Variants in SLIT2 observed in about 807,000 individuals in gnomAD.
SLIT2 encodes the protein slit guidance ligand 2.
Under a neutral mutation model 185.7 loss-of-function variants are expected in SLIT2, and 41 were observed. The observed-to-expected ratio is 0.22, with a 90% CI of 0.17 to 0.29. The LOEUF (loss-of-function observed/expected upper bound fraction) is 0.29. SLIT2 is among the 10% of genes least tolerant of loss of function. SLIT2 has a pLI of 1.00. For synonymous variants in SLIT2, 693 were observed against 680.2 expected, an observed-to-expected ratio of 1.02 and a Z score of -0.29; for missense variants, 1,571 against 1,909.0, an observed-to-expected ratio of 0.82 and a Z score of 3.30.
chr4:20,281,250 C>G (rs1208174022), intron 4 of SLIT2, among the ~76,000 whole-genome samples: 2 of 152,174 alleles, frequency 1.3e-5, no homozygotes, highest in African/African-American at 4.8e-5. Flanking sequence ...TTTTAATAAT[C>G]ACCTGTCTCT....
intron 6 of SLIT2, 48 bp from the exon 7 acceptor site, chr4:20,486,152 A>G: frequency 8.9e-7 from 1 of 1,122,918 alleles, no homozygotes; most frequent in South Asian, 1.3e-5. Flanking sequence ...TAAAATGATC[A>G]ATCAATTTTG....
At chr4:20,490,734 A>G in intron 8 of SLIT2, 2 of 1,070,104 alleles carry the variant, frequency 1.9e-6, no homozygotes, top group Non-Finnish European at 1.4e-6. Context: ...AAAATTAAAT[A>G]ATGAAATGAC....
chr4:20,256,630 T>G (rs765776162), intron 1 of SLIT2, 42 bp from the exon 2 acceptor site: 2 of 1,021,214 alleles, frequency 2.0e-6, no homozygotes, highest in South Asian at 2.8e-5. Context: ...CAGGTAAACA[T>G]AGAAATAAAA....
intron 4 of SLIT2, among the ~76,000 whole-genome samples, chr4:20,422,662 A>G (rs1364062055): frequency 6.6e-6 from 1 of 152,128 alleles, no homozygotes; most frequent in Non-Finnish European, 1.5e-5. Flanking sequence ...GATCAGGGCA[A>G]GTCTCTCTGA....
At chr4:20,375,145 C>T (rs1723919890) in intron 4 of SLIT2, among the ~76,000 whole-genome samples, 1 of 152,034 alleles carries the variant, frequency 6.6e-6, no homozygotes, top group East Asian at 1.9e-4. Flanking sequence ...GCTTAGTGAT[C>T]TAGACCATTA....
In SLIT2 at chr4:20,535,807, A is replaced by T. The variant is rs147607582; in HGVS notation, c.1832+2092A>T. 4.6e-3 allele frequency among the ~76,000 whole-genome samples: 702 copies of T among 152,178 alleles called. 6 individuals are homozygous for T. The highest frequency in any genetic ancestry group is 0.016 in the African/African-American group (669 of 41,522). ...AAGGATGGCAGTCCGTCAGGATGGG[A>T]TCCACACAATCTCACTCAACCTCAA... On this transcript the variant is annotated intron_variant, in intron 18 of 36. Transcript: ENST00000504154.
rs1420741127 is a variant in SLIT2, at chr4:20,253,595, A to G, written c.-221A>G. On this transcript the variant is annotated 5_prime_UTR_variant, in exon 1 of 37. Coordinates refer to ENST00000504154, the MANE Select transcript of SLIT2 (RefSeq NM_004787.4). ...CATCCTCAGGACCTAAAGTTGCCCAAGGAGCTCCTGCTCTGCCAGAGGAGG... is the reference window on the plus strand; with the variant it reads ...CATCCTCAGGACCTAAAGTTGCCCAGGGAGCTCCTGCTCTGCCAGAGGAGG... 1.0e-5 allele frequency: 6 copies of G among 594,096 alleles called. 1 individual carries two copies. Among genetic ancestry groups the G allele is most frequent in the East Asian group, 8.5e-5 (3 of 35,406 alleles). 36.8% of individuals were successfully genotyped at this position (594,096 alleles called of 1,614,324 possible). A position where few individuals can be genotyped will look rare whatever the true frequency, so the allele number is the denominator to read the frequency against.
intron 4 of SLIT2, among the ~76,000 whole-genome samples, chr4:20,369,782 A>G (rs1409555009): frequency 2.0e-5 from 3 of 152,080 alleles, no homozygotes; most frequent in African/African-American, 7.2e-5. Context: ...CAGCCTGTCT[A>G]TTGCTCACCA....
chr4:20,594,741 T>C (rs1176765884), intron 30 of SLIT2, among the ~76,000 whole-genome samples: 1 of 152,224 alleles, frequency 6.6e-6, no homozygotes, highest in Non-Finnish European at 1.5e-5. Context: ...GAATTAATTA[T>C]TCAACAGCAT....
chr4:20,567,349 T>C lies in SLIT2; in HGVS notation c.2813T>C (p.Val938Ala). 1 of 1,613,236 alleles carries C rather than the reference T, an allele frequency of 6.2e-7. No homozygotes were observed. The highest frequency in any genetic ancestry group is 8.5e-7 in the Non-Finnish European group (1 of 1,179,372). The stretch of plus-strand genomic sequence containing the variant: ...GATGGCACATGTAATAGTGATCCAG[T>C]TGACTTTTACCGATGCACCTGTCCA... ...KNDGTCNSDP[V>A]DFYRCTCPYG... Residue 938 changes from valine to alanine, a missense_variant, in exon 27 of 37, where the codon GTT (valine) becomes GCT (alanine). By Grantham distance (64) the Val-to-Ala change is moderately conservative (BLOSUM62 0). Around this residue, in one of 3 missense-constraint regions of SLIT2, gnomAD observed 1,202 missense variants for 1,416.4 expected, o/e 0.85. Coordinates refer to ENST00000504154, the MANE Select transcript of SLIT2 (RefSeq NM_004787.4).
intron 26 of SLIT2, among the ~76,000 whole-genome samples, chr4:20,557,330 G>A (rs560866681): frequency 3.9e-4 from 60 of 152,160 alleles, no homozygotes; most frequent in Non-Finnish European, 7.6e-4. Context: ...AGGACAGGCT[G>A]ACTGTCTTGT....
intron 4 of SLIT2, among the ~76,000 whole-genome samples, chr4:20,371,085 T>A (rs1205832065): frequency 6.6e-6 from 1 of 152,062 alleles, no homozygotes; most frequent in African/African-American, 2.4e-5. Context: ...TTGGGTCACT[T>A]CTTGGGAGAG....
intron 32 of SLIT2, among the ~76,000 whole-genome samples, chr4:20,597,514 G>A (rs907052485): frequency 1.3e-5 from 2 of 152,172 alleles, no homozygotes; most frequent in African/African-American, 2.4e-5. Flanking sequence ...CTAGATTAAA[G>A]ATAATAAATA....
Position 20,403,054 on chromosome 4 carries a change from T to C in SLIT2, c.396-64698T>C, listed in dbSNP as rs535958520. ...AGCTTGTTGGTTAAACAAATACATG[T>C]TTAAAATAGTTGAGCTTGTGAAAAT... On this transcript the variant is annotated intron_variant, in intron 4 of 36. Transcript: ENST00000504154. Among the ~76,000 whole-genome samples the C allele has an allele frequency of 2.0e-4, 31 of 152,000 alleles. 1 individual carries two copies. The highest frequency in any genetic ancestry group is 7.5e-4 in the African/African-American group (31 of 41,522).
At chr4:20,590,897 A>G (rs1413113842) in intron 30 of SLIT2, among the ~76,000 whole-genome samples, 1 of 152,158 alleles carries the variant, frequency 6.6e-6, no homozygotes, top group Non-Finnish European at 1.5e-5. Context: ...TATACTTACC[A>G]GTTGGGTGAT....
In SLIT2 at chr4:20,472,276, C is replaced by CTA. The variant is rs373745680; in HGVS notation, c.467+4462_467+4463dup. 1.6e-3 allele frequency among the ~76,000 whole-genome samples: 34 copies of CTA among 21,648 alleles called. 1 individual carries two copies. Among genetic ancestry groups the CTA allele is most frequent in the African/African-American group, 4.5e-3 (16 of 3,568 alleles). The allele number at this position is 21,648 out of a possible 152,430, so 14.2% of individuals were successfully genotyped here. ...TATAGATCTATATATAGATATATAT[C>CTA]TATATATATAGATATATAGATATAT... On this transcript the variant is annotated intron_variant, in intron 5 of 36. Coordinates refer to ENST00000504154, the MANE Select transcript of SLIT2 (RefSeq NM_004787.4).
intron 4 of SLIT2, among the ~76,000 whole-genome samples, chr4:20,272,196 A>C (rs970299357): frequency 3.9e-5 from 6 of 152,034 alleles, no homozygotes; most frequent in African/African-American, 1.4e-4. Flanking sequence ...CAGTGTAATA[A>C]AATTACAAGC....
chr4:20,316,236 T>C (rs780652025), intron 4 of SLIT2, among the ~76,000 whole-genome samples: 2 of 152,082 alleles, frequency 1.3e-5, no homozygotes, highest in Non-Finnish European at 2.9e-5. Context: ...TATAAACATG[T>C]CAACAATTCT....
chr4:20,582,611 A>G (rs1726682183), intron 29 of SLIT2, among the ~76,000 whole-genome samples: 1 of 152,196 alleles, frequency 6.6e-6, no homozygotes, highest in Non-Finnish European at 1.5e-5. Context: ...TATGACAGCA[A>G]AACTAGTATG....
Sources: gnomAD v4.1 joint callset for allele counts (sites outside exome capture counted in the v4.1 genomes callset) on GRCh38, gnomAD v4.1.1 for gene constraint, gnomAD v4.1.1 regional missense constraint, MANE v1.5 for transcripts, NCBI Gene and HGNC (gene_info 2026-07-23, HGNC 2026-07-21) for gene names.